PRDM11: variants seen among roughly 807,000 people sequenced by gnomAD.
PRDM11 encodes PR domain-containing protein 11.
Under a neutral mutation model 97.8 loss-of-function variants are expected in PRDM11, and 20 were observed. The observed-to-expected ratio is 0.20, with a 90% CI of 0.14 to 0.30. The LOEUF (loss-of-function observed/expected upper bound fraction) is 0.30. Among genes scored for constraint, PRDM11 ranks in the 10% least tolerant of loss-of-function variants. PRDM11 has a pLI of 1.00. For missense variants in PRDM11, 1,139 were observed against 1,555.2 expected (o/e 0.73, Z 4.50); for synonymous variants, 599 against 637.7 (o/e 0.94, Z 0.91).
chr11:45,162,253 A>G (rs759795187), intron 1 of PRDM11, among the ~76,000 whole-genome samples: 2 of 151,944 alleles, frequency 1.3e-5, no homozygotes, highest in Non-Finnish European at 2.9e-5. Flanking sequence ...CGCTCTCTAC[A>G]CCTGTCCTGT....
chr11:45,158,271 G>A (rs1648398957), intron 1 of PRDM11, among the ~76,000 whole-genome samples: 1 of 152,168 alleles, frequency 6.6e-6, no homozygotes, highest in African/African-American at 2.4e-5. Context: ...ACAAGCCCAC[G>A]GAGGCCCTGC....
Position 45,227,749 on chromosome 11 carries a change from CGA to C in PRDM11, c.3127_3128del (p.Glu1043ThrfsTer4). 6.5e-7 allele frequency: 1 copy of C among 1,533,798 alleles called. No individual in the cohort carries two copies. Among genetic ancestry groups the C allele is most frequent in the Non-Finnish European group, 8.7e-7 (1 of 1,146,692 alleles). On this transcript the variant is annotated frameshift_variant, in exon 8 of 8. Transcript: ENST00000683152. LOFTEE classifies it high-confidence loss of function. This position sits in a 1 kb window ranked among gnomAD's most constrained non-coding sequence, Gnocchi z 8.0. Reference sequence around the variant, plus strand: ...CCGGGGTAGTCTGTTGATGGAGTGGCGAGAACTCAAGGCTGATTACTACACCA... The same window carrying C: ...CCGGGGTAGTCTGTTGATGGAGTGGCGAACTCAAGGCTGATTACTACACCA... ...DPRGSLLMEW[R>X]ELKADYYTKN...
At chr11:45,172,207 A>G (rs1478776439) in intron 1 of PRDM11, among the ~76,000 whole-genome samples, 1 of 152,094 alleles carries the variant, frequency 6.6e-6, no homozygotes, top group Non-Finnish European at 1.5e-5. Flanking sequence ...AGAGGAAGGG[A>G]CCTGGAGCTT....
intron 5 of PRDM11, chr11:45,212,828 G>C (rs749013990): frequency 4.9e-5 from 22 of 451,536 alleles, no homozygotes; most frequent in Non-Finnish European, 3.6e-5. Flanking sequence ...GGCCATGGCC[G>C]AGCTGACCAG....
chr11:45,176,803 A>G (rs1199375478), intron 1 of PRDM11, among the ~76,000 whole-genome samples: 1 of 152,232 alleles, frequency 6.6e-6, no homozygotes, highest in African/African-American at 2.4e-5. Flanking sequence ...ATAACTCCCT[A>G]TAATAATTCC....
chr11:45,198,683 G>A (rs1853217539), intron 4 of PRDM11, among the ~76,000 whole-genome samples: 1 of 152,182 alleles, frequency 6.6e-6, no homozygotes, highest in Admixed American at 6.5e-5. Flanking sequence ...CTATTAAAAT[G>A]CCAACCTGCA....
At chr11:45,197,028 T>A (rs989948504) in intron 4 of PRDM11, among the ~76,000 whole-genome samples, 17 of 152,204 alleles carry the variant, frequency 1.1e-4, no homozygotes, top group African/African-American at 3.9e-4. Flanking sequence ...CCAGCTTTAG[T>A]ATCCACAGTT....
intron 1 of PRDM11, among the ~76,000 whole-genome samples, chr11:45,174,677 G>C (rs1359603957): frequency 1.3e-5 from 2 of 152,156 alleles, no homozygotes; most frequent in Non-Finnish European, 2.9e-5. Flanking sequence ...GTGGGTAAAG[G>C]TCATTGGAAT....
At chr11:45,194,237 T>G (rs969068543) in intron 4 of PRDM11, among the ~76,000 whole-genome samples, 14 of 152,222 alleles carry the variant, frequency 9.2e-5, no homozygotes, top group Non-Finnish European at 1.9e-4. Flanking sequence ...GCATATTGAT[T>G]TTTTTAAATG....
intron 1 of PRDM11, among the ~76,000 whole-genome samples, chr11:45,170,931 G>A (rs1852187681): frequency 1.3e-5 from 2 of 152,094 alleles, no homozygotes; most frequent in South Asian, 4.1e-4. Context: ...GTGCTGTGTG[G>A]TATTTAACCA....
intron 1 of PRDM11, among the ~76,000 whole-genome samples, chr11:45,134,701 G>GAAAAAAA (rs1191008824): frequency 0.028 from 1,256 of 44,438 alleles, 109 homozygotes; most frequent in African/African-American, 0.042. Flanking sequence ...CCTGTCTCAC[G>GAAAAAAA]AAAAAAAAAA....
At chr11:45,201,155 G>A (rs1853313239) in intron 4 of PRDM11, among the ~76,000 whole-genome samples, 1 of 152,226 alleles carries the variant, frequency 6.6e-6, no homozygotes, top group Non-Finnish European at 1.5e-5. Context: ...AGCTACAGTA[G>A]AGGCCAGTAC....
Position 45,219,418 on chromosome 11 carries a change from T to A in PRDM11, c.555-152T>A. 1.4e-6 allele frequency: 1 copy of A among 723,760 alleles called. No homozygotes were observed. Among genetic ancestry groups the A allele is most frequent in the South Asian group, 2.0e-5 (1 of 49,830 alleles). The allele number at this position is 723,760 out of a possible 1,614,324, so 44.8% of individuals were successfully genotyped here. ...GATGGGTTCTGGCTGGTGCTGCTTCTCCGGACAGGGCAGCTGCTCTGCTGA... is the reference window on the plus strand; with the variant it reads ...GATGGGTTCTGGCTGGTGCTGCTTCACCGGACAGGGCAGCTGCTCTGCTGA... On this transcript the variant is annotated intron_variant, in intron 5 of 7. Transcript: ENST00000683152. This position sits in a 1 kb window ranked among gnomAD's most constrained non-coding sequence, Gnocchi z 4.2.
At chr11:45,200,548 A>C (rs1853290669) in intron 4 of PRDM11, among the ~76,000 whole-genome samples, 1 of 152,188 alleles carries the variant, frequency 6.6e-6, no homozygotes, top group Admixed American at 6.5e-5. Context: ...GTGAAGCTGA[A>C]ATTCTAGCCA....
chr11:45,094,271 T>A (rs141773850), upstream of PRDM11, among the ~76,000 whole-genome samples: 1 of 151,820 alleles, frequency 6.6e-6, no homozygotes, highest in African/African-American at 2.4e-5. Flanking sequence ...GGTGAGACGA[T>A]GGGGTGCCAT....
chr11:45,182,854 C>T lies in PRDM11; in HGVS notation c.224-7C>T, dbSNP rs1188412559. On this transcript the variant is annotated splice_polypyrimidine_tract_variant and splice_region_variant and intron_variant, in intron 3 of 7. Coordinates refer to ENST00000683152, the MANE Select transcript of PRDM11 (RefSeq NM_001384648.1). ...TGAGGCCCTCCCTTCTCTTTCCATC[C>T]CTCCAGTCTGTGAGTCCTGCCAGGA... 6.4e-7 allele frequency: 1 copy of T among 1,571,982 alleles called. No homozygotes were observed. The highest frequency in any genetic ancestry group is 2.2e-5 in the East Asian group (1 of 44,470).
intron 1 of PRDM11, among the ~76,000 whole-genome samples, chr11:45,153,469 C>T (rs958100229): frequency 3.9e-5 from 6 of 152,202 alleles, no homozygotes; most frequent in East Asian, 1.9e-4. Flanking sequence ...CGGAGAAAGA[C>T]GGAGCACCAG....
At position 45,197,166 on chromosome 11, in the gene PRDM11, C is replaced by T. The variant is rs1330793359; in HGVS notation, c.487-7545C>T. Among the ~76,000 whole-genome samples the T allele has an allele frequency of 2.6e-5, 4 of 152,050 alleles. No individual in the cohort carries two copies. The East Asian group carries it at 7.7e-4, about 29-fold the overall frequency. On this transcript the variant is annotated intron_variant, in intron 4 of 7. Coordinates refer to ENST00000683152, the MANE Select transcript of PRDM11 (RefSeq NM_001384648.1). ...ACTAGGTCTCCAGAGTCTTTTTAAG[C>T]AGTAAAAAGAAGGAAATTCTGCCAT...
rs2135867614 is a variant in PRDM11 at position 45,231,114 on chromosome 11, A to G, written c.*2955A>G. The stretch of plus-strand genomic sequence containing the variant: ...CTTGTGGCTTCTGCTGAATTTAGCC[A>G]TGCCAGGGCTGTGGCAGACACTCTG... On this transcript the variant is annotated 3_prime_UTR_variant, in exon 8 of 8. Coordinates refer to ENST00000683152, the MANE Select transcript of PRDM11 (RefSeq NM_001384648.1). 1 of 152,304 alleles carries G rather than the reference A, an allele frequency of 6.6e-6. No individual in the cohort carries two copies. Among genetic ancestry groups the G allele is most frequent in the Admixed American group, 6.5e-5 (1 of 15,304 alleles). 9.4% of individuals were successfully genotyped at this position (152,304 alleles called of 1,614,324 possible).
Sources: gnomAD v4.1 joint callset for allele counts (sites outside exome capture counted in the v4.1 genomes callset) on GRCh38, gnomAD v4.1.1 for gene constraint, Gnocchi (gnomAD v3.1) non-coding constraint, MANE v1.5 for transcripts, NCBI Gene and HGNC (gene_info 2026-07-23, HGNC 2026-07-21) for gene names.